IMMP2L: variants seen among roughly 807,000 people sequenced by gnomAD.
IMMP2L encodes mitochondrial inner membrane protease subunit 2.
Under a neutral mutation model 19.3 loss-of-function variants are expected in IMMP2L, and 18 were observed. That is an observed-to-expected ratio of 0.93 (90% CI 0.64 to 1.38). The LOEUF (loss-of-function observed/expected upper bound fraction) is 1.38, where lower values mean the gene tolerates loss of function less well. IMMP2L is among the 40% of genes most tolerant of loss of function. The pLI is 0.00. For missense variants in IMMP2L, 233 were observed against 218.2 expected (o/e 1.07, Z -0.43); for synonymous variants, 76 against 73.0 (o/e 1.04, Z -0.21).
At chr7:110,680,834 G>A (rs1792670896) in intron 5 of IMMP2L, among the ~76,000 whole-genome samples, 1 of 152,142 alleles carries the variant, frequency 6.6e-6, no homozygotes, top group South Asian at 2.1e-4. Context: ...AAGGAGTGAT[G>A]TGAAGACACA....
chr7:111,055,993 T>C (rs1255729848), intron 3 of IMMP2L, among the ~76,000 whole-genome samples: 1 of 130,780 alleles, frequency 7.6e-6, no homozygotes, highest in Non-Finnish European at 1.7e-5. Context: ...TTGAACTATT[T>C]TTTAATATTC....
chr7:110,865,971 T>G (rs1002371502), intron 5 of IMMP2L, among the ~76,000 whole-genome samples: 1 of 151,936 alleles, frequency 6.6e-6, no homozygotes, highest in Non-Finnish European at 1.5e-5. Context: ...TATTGGGAGC[T>G]ATAGGAGTAA....
chr7:111,051,633 A>G (rs1793016314), intron 3 of IMMP2L, among the ~76,000 whole-genome samples: 1 of 152,198 alleles, frequency 6.6e-6, no homozygotes, highest in African/African-American at 2.4e-5. Context: ...ACCTTTTGAG[A>G]TATAAGTTGT....
chr7:111,351,756 T>G (rs1828186870), intron 3 of IMMP2L, among the ~76,000 whole-genome samples: 1 of 152,202 alleles, frequency 6.6e-6, no homozygotes, highest in Admixed American at 6.5e-5. Flanking sequence ...CTTCAAGCAA[T>G]GTATTTGAAA....
chr7:111,377,858 C>T (rs906287430), intron 3 of IMMP2L, among the ~76,000 whole-genome samples: 11 of 151,940 alleles, frequency 7.2e-5, no homozygotes, highest in Non-Finnish European at 1.3e-4. Context: ...AACTACACAT[C>T]CACATATATA....
At chr7:111,111,714 A>G (rs533469262) in intron 3 of IMMP2L, among the ~76,000 whole-genome samples, 1 of 151,960 alleles carries the variant, frequency 6.6e-6, no homozygotes, top group South Asian at 2.1e-4. Context: ...TAGGCAACCA[A>G]ATTTTGCAAA....
intron 3 of IMMP2L, among the ~76,000 whole-genome samples, chr7:111,456,510 A>G (rs1316405328): frequency 6.6e-6 from 1 of 152,172 alleles, no homozygotes; most frequent in Non-Finnish European, 1.5e-5. Context: ...CTCTTTGAAG[A>G]CTAAGGAGAC....
intron 3 of IMMP2L, among the ~76,000 whole-genome samples, chr7:111,207,955 G>A (rs1312051068): frequency 6.6e-6 from 1 of 152,028 alleles, no homozygotes; most frequent in Non-Finnish European, 1.5e-5. Flanking sequence ...CATCCTCGCT[G>A]TACCCTATCA....
At chr7:111,343,214 T>C (rs956769213) in intron 3 of IMMP2L, among the ~76,000 whole-genome samples, 1 of 152,090 alleles carries the variant, frequency 6.6e-6, no homozygotes, top group African/African-American at 2.4e-5. Flanking sequence ...TCATGCCTCT[T>C]CTAAAAATCA....
At chr7:111,175,561 G>T (rs1806954959) in intron 3 of IMMP2L, among the ~76,000 whole-genome samples, 1 of 150,160 alleles carries the variant, frequency 6.7e-6, no homozygotes, top group Admixed American at 6.6e-5. Flanking sequence ...CAATGTGGAG[G>T]TTTTTTTTTA....
At chr7:111,468,870 T>C (rs1421125194) in intron 3 of IMMP2L, among the ~76,000 whole-genome samples, 1 of 152,080 alleles carries the variant, frequency 6.6e-6, no homozygotes, top group African/African-American at 2.4e-5. Context: ...AACTTTGACT[T>C]GTGACTAAAT....
intron 5 of IMMP2L, among the ~76,000 whole-genome samples, chr7:110,830,000 C>A (rs1803822740): frequency 6.6e-6 from 1 of 152,014 alleles, no homozygotes; most frequent in Non-Finnish European, 1.5e-5. Flanking sequence ...TTTTCCTGGG[C>A]ATTGAGGATA....
At chr7:111,273,844 A>C (rs1035649124) in intron 3 of IMMP2L, among the ~76,000 whole-genome samples, 2 of 152,176 alleles carry the variant, frequency 1.3e-5, no homozygotes, top group African/African-American at 2.4e-5. Context: ...GGATATAAAT[A>C]AAAGTAGGTT....
At chr7:110,971,203 A>G (rs1820110716) in intron 3 of IMMP2L, among the ~76,000 whole-genome samples, 1 of 152,120 alleles carries the variant, frequency 6.6e-6, no homozygotes, top group Non-Finnish European at 1.5e-5. Flanking sequence ...TGTGCCCAAC[A>G]CAGCTTACTC....
chr7:111,061,846 GTTC>G (rs750185431), intron 3 of IMMP2L, among the ~76,000 whole-genome samples: 3 of 152,110 alleles, frequency 2.0e-5, no homozygotes, highest in Non-Finnish European at 2.9e-5. Flanking sequence ...TAAAATCTAT[GTTC>G]TTCTTCTTTA....
At chr7:111,012,183 A>T (rs1825035761) in intron 3 of IMMP2L, among the ~76,000 whole-genome samples, 1 of 152,192 alleles carries the variant, frequency 6.6e-6, no homozygotes, top group Admixed American at 6.6e-5. Flanking sequence ...TTCAGGTAAA[A>T]TTTGATATGG....
intron 1 of IMMP2L, among the ~76,000 whole-genome samples, chr7:111,545,451 C>T (rs1192319176): frequency 2.6e-5 from 4 of 152,118 alleles, no homozygotes; most frequent in Admixed American, 6.5e-5. Flanking sequence ...AGTGCAGCGG[C>T]GCAATCTCAG....
chr7:110,904,937 T>A (rs1812294816), intron 4 of IMMP2L, among the ~76,000 whole-genome samples: 1 of 152,172 alleles, frequency 6.6e-6, no homozygotes, highest in Non-Finnish European at 1.5e-5. Context: ...TCAAAAATCA[T>A]CCCACTTAGA....
At chr7:111,489,487 G>C (rs1047680878) in intron 2 of IMMP2L, among the ~76,000 whole-genome samples, 1 of 152,162 alleles carries the variant, frequency 6.6e-6, no homozygotes, top group Non-Finnish European at 1.5e-5. Flanking sequence ...GCTGATGACA[G>C]CAGCCAGTGG....
Sources: allele counts gnomAD v4.1 joint callset (sites outside exome capture counted in the v4.1 genomes callset), GRCh38; gene constraint gnomAD v4.1.1; transcripts MANE v1.5; gene names NCBI Gene and HGNC (gene_info 2026-07-23, HGNC 2026-07-21).